The following IPCEF1 variants were observed in gnomAD, a reference collection of about 807,000 sequenced individuals.
IPCEF1 encodes the protein interactor protein for cytohesin exchange factors 1.
Under a neutral mutation model 50.9 loss-of-function variants are expected in IPCEF1, and 31 were observed. The ratio of observed to expected loss-of-function variants is 0.61; its 90% CI spans 0.46 to 0.82. IPCEF1 has a LOEUF of 0.82. Ranked by LOEUF, IPCEF1 falls within the 40% of genes least tolerant of loss-of-function variation. IPCEF1 has a pLI of 0.00. For missense variants in IPCEF1, 458 were observed against 514.0 expected (o/e 0.89, Z 1.05); for synonymous variants, 181 against 192.0 (o/e 0.94, Z 0.47).
At chr6:154,350,745 G>A (rs1784106728) in intron 1 of IPCEF1, among the ~76,000 whole-genome samples, 1 of 152,138 alleles carries the variant, frequency 6.6e-6, no homozygotes, top group Admixed American at 6.5e-5. Context: ...TTCAGAGACA[G>A]AGTCTTACTC....
intron 9 of IPCEF1, among the ~76,000 whole-genome samples, chr6:154,209,339 A>G (rs781053731): frequency 3.9e-5 from 6 of 152,310 alleles, no homozygotes; most frequent in African/African-American, 7.2e-5. Context: ...GCCAAACACT[A>G]GCTCAATTCA....
At chr6:154,303,342 G>A (rs199964789) in intron 1 of IPCEF1, among the ~76,000 whole-genome samples, 4 of 151,822 alleles carry the variant, frequency 2.6e-5, no homozygotes, top group Admixed American at 6.6e-5. Flanking sequence ...CGCCCACCTC[G>A]GCCTCCCAAA....
At chr6:154,343,845 A>C (rs1173990887) in intron 1 of IPCEF1, among the ~76,000 whole-genome samples, 1 of 152,214 alleles carries the variant, frequency 6.6e-6, no homozygotes, top group Non-Finnish European at 1.5e-5. Context: ...AATGCAGGCC[A>C]TTAGAAACTG....
At chr6:154,309,064 T>C (rs891683302) in intron 1 of IPCEF1, among the ~76,000 whole-genome samples, 1 of 152,178 alleles carries the variant, frequency 6.6e-6, no homozygotes, top group African/African-American at 2.4e-5. Context: ...TAAAGAGACA[T>C]GGAGAAGGTC....
intron 1 of IPCEF1, among the ~76,000 whole-genome samples, chr6:154,317,227 A>G (rs1393862938): frequency 6.6e-6 from 1 of 151,900 alleles, no homozygotes; most frequent in Non-Finnish European, 1.5e-5. Context: ...CTCCAACTCG[A>G]TAATAAAATG....
chr6:154,201,072 C>G (rs1777031202), intron 9 of IPCEF1, among the ~76,000 whole-genome samples: 1 of 152,184 alleles, frequency 6.6e-6, no homozygotes, highest in Admixed American at 6.5e-5. Context: ...ACTCTTTCTG[C>G]TGCCACCATG....
At chr6:154,291,724 G>A (rs114598967) in intron 1 of IPCEF1, among the ~76,000 whole-genome samples, 1,741 of 122,436 alleles carry the variant, frequency 0.014, 22 homozygotes, top group South Asian at 0.034. Context: ...TCGCACTCTC[G>A]TCCAGGCTGG....
chr6:154,221,246 C>T lies in IPCEF1; in HGVS notation c.392+11G>A, dbSNP rs1284930855. The T allele has an allele frequency of 1.2e-6, 2 of 1,610,626 alleles. No individual in the cohort carries two copies. The highest frequency in any genetic ancestry group is 2.7e-5 in the African/African-American group (2 of 74,828). On this transcript the variant is annotated intron_variant, in intron 7 of 11. Transcript: ENST00000367220. ...CATTAAGGATGGGGTTTACCAGTTT[C>T]CTCTACTTACACGTTCATTTCCTGC... is the stretch of plus-strand genomic sequence containing the variant.
intron 1 of IPCEF1, among the ~76,000 whole-genome samples, chr6:154,308,424 G>A (rs1782993679): frequency 6.6e-6 from 1 of 152,052 alleles, no homozygotes; most frequent in Non-Finnish European, 1.5e-5. Context: ...ACCACACCTG[G>A]CCCTTTCTGA....
intron 1 of IPCEF1, among the ~76,000 whole-genome samples, chr6:154,339,551 G>T (rs1356747307): frequency 6.6e-6 from 1 of 151,712 alleles, no homozygotes; most frequent in Non-Finnish European, 1.5e-5. Context: ...GGGATTACAG[G>T]CATGAGCCAT....
intron 5 of IPCEF1, among the ~76,000 whole-genome samples, chr6:154,232,700 G>A (rs929704147): frequency 6.6e-6 from 1 of 152,104 alleles, no homozygotes; most frequent in African/African-American, 2.4e-5. Context: ...TTAATGTCTC[G>A]ATGTAAGCCA....
intron 1 of IPCEF1, among the ~76,000 whole-genome samples, chr6:154,331,415 A>AAGAAAGAAAG (rs1286872855): frequency 3.5e-5 from 2 of 57,668 alleles, no homozygotes; most frequent in African/African-American, 8.2e-5. Flanking sequence ...AAGAGAGAGA[A>AAGAAAGAAAG]AAAGAAAGAG....
intron 1 of IPCEF1, among the ~76,000 whole-genome samples, chr6:154,355,931 G>GT (rs1324643947): frequency 6.6e-6 from 1 of 151,828 alleles, no homozygotes. Context: ...GGGATTACAG[G>GT]TGTGAGCCAT....
chr6:154,178,204 G>A (rs1358127610), intron 10 of IPCEF1, among the ~76,000 whole-genome samples: 4 of 152,124 alleles, frequency 2.6e-5, no homozygotes, highest in Non-Finnish European at 5.9e-5. Context: ...TGAGTTGATG[G>A]CTGTAGCAAA....
chr6:154,193,700 A>T lies in IPCEF1; in HGVS notation c.910+5968T>A, dbSNP rs1361313213. ...ACTTTCCAACCCTCTACACCGCTAG[A>T]CCACATGATAAGCAAAACAAACACT... On this transcript the variant is annotated intron_variant, in intron 10 of 11. Coordinates refer to ENST00000367220, the MANE Select transcript of IPCEF1 (RefSeq NM_001130700.2). Among the ~76,000 whole-genome samples the T allele has an allele frequency of 2.6e-5, 4 of 152,226 alleles. No individual in the cohort carries two copies. The East Asian group carries it at 7.7e-4, about 29-fold the overall frequency.
chr6:154,179,393 T>C (rs956594823), intron 10 of IPCEF1, among the ~76,000 whole-genome samples: 3 of 152,184 alleles, frequency 2.0e-5, no homozygotes, highest in Non-Finnish European at 2.9e-5. Context: ...AAACACTACA[T>C]TATTTCTCTT....
At chr6:154,235,099 T>C (rs1780010303) in intron 5 of IPCEF1, among the ~76,000 whole-genome samples, 1 of 152,246 alleles carries the variant, frequency 6.6e-6, no homozygotes, top group Non-Finnish European at 1.5e-5. Flanking sequence ...AATCTCACCA[T>C]TACAGACTAA....
intron 5 of IPCEF1, among the ~76,000 whole-genome samples, chr6:154,240,413 C>G (rs1300212943): frequency 1.3e-5 from 2 of 151,984 alleles, no homozygotes; most frequent in Admixed American, 6.5e-5. Flanking sequence ...TAAACTCACT[C>G]AGACATTTTC....
chr6:154,203,653 C>A (rs978269409), intron 9 of IPCEF1, among the ~76,000 whole-genome samples: 10 of 152,074 alleles, frequency 6.6e-5, no homozygotes, highest in South Asian at 2.1e-4. Context: ...GGAACTAAAC[C>A]CCCACAGATA....
Sources: gnomAD v4.1 joint callset for allele counts (sites outside exome capture counted in the v4.1 genomes callset) on GRCh38, gnomAD v4.1.1 for gene constraint, MANE v1.5 for transcripts, NCBI Gene and HGNC (gene_info 2026-07-23, HGNC 2026-07-21) for gene names.